The following CPNE4 variants were observed in gnomAD, a reference collection of about 807,000 sequenced individuals.
CPNE4 encodes the protein copine-4.
In CPNE4, 25 loss-of-function variants were observed where a neutral mutation model predicts 67.9. The ratio of observed to expected loss-of-function variants is 0.37; its 90% CI spans 0.27 to 0.51. The LOEUF is 0.51. CPNE4 is among the 20% of genes least tolerant of loss of function. The probability of loss-of-function intolerance (pLI) is 0.93; values close to 1 mark genes in which losing one functional copy is unlikely to be tolerated. For synonymous variants in CPNE4, 242 were observed against 244.9 expected (o/e 0.99, Z 0.11); for missense variants, 464 against 690.8 (o/e 0.67, Z 3.68).
intron 1 of CPNE4, among the ~76,000 whole-genome samples, chr3:132,027,926 A>G (rs1334508033): frequency 6.6e-6 from 1 of 152,206 alleles, no homozygotes; most frequent in African/African-American, 2.4e-5. Flanking sequence ...TATTTTTAAA[A>G]CAGAGTTCTT....
intron 1 of CPNE4, among the ~76,000 whole-genome samples, chr3:132,006,928 A>G (rs1477863913): frequency 6.6e-6 from 1 of 152,168 alleles, no homozygotes; most frequent in African/African-American, 2.4e-5. Flanking sequence ...TCTAAAAGAA[A>G]CAGCACATCA....
intron 2 of CPNE4, among the ~76,000 whole-genome samples, chr3:131,790,646 C>T (rs921148085): frequency 2.0e-5 from 3 of 152,130 alleles, no homozygotes; most frequent in Non-Finnish European, 4.4e-5. Flanking sequence ...ATCACCTCAT[C>T]TGAAACTCTT....
At chr3:131,715,433 A>G (rs1309765231) in intron 3 of CPNE4, among the ~76,000 whole-genome samples, 1 of 152,244 alleles carries the variant, frequency 6.6e-6, no homozygotes, top group East Asian at 1.9e-4. Flanking sequence ...TATACTAGTT[A>G]GTGACAAGCT....
At chr3:131,799,597 C>T in intron 2 of CPNE4, among the ~76,000 whole-genome samples, 1 of 152,136 alleles carries the variant, frequency 6.6e-6, no homozygotes, top group East Asian at 1.9e-4. Context: ...TTCACGACCT[C>T]CTCCCTTTCC....
intron 2 of CPNE4, among the ~76,000 whole-genome samples, chr3:131,740,014 A>C (rs1454824753): frequency 6.6e-6 from 1 of 152,210 alleles, no homozygotes. Context: ...GATACCTCTT[A>C]TCTTTTACCC....
chr3:132,029,808 G>A (rs1043643162), intron 1 of CPNE4, among the ~76,000 whole-genome samples: 1 of 152,180 alleles, frequency 6.6e-6, no homozygotes, highest in Admixed American at 6.5e-5. Context: ...AAGAAAGTTT[G>A]TTCTTTTTGA....
chr3:131,538,901 C>T (rs1440813269), intron 15 of CPNE4: 1 of 152,196 alleles, frequency 6.6e-6, no homozygotes, highest in Non-Finnish European at 1.5e-5. Flanking sequence ...TCTTGGACTT[C>T]CCAGACTCCA....
At chr3:131,620,345 G>T in intron 7 of CPNE4, 1 of 351,052 alleles carries the variant, frequency 2.8e-6, no homozygotes, top group Non-Finnish European at 4.0e-6. Flanking sequence ...GTGATGTTAA[G>T]TGTTTAAAGG....
intron 2 of CPNE4, among the ~76,000 whole-genome samples, chr3:131,843,554 C>T (rs918955899): frequency 2.0e-5 from 3 of 152,226 alleles, no homozygotes; most frequent in African/African-American, 7.2e-5. Flanking sequence ...TTGACAGTGT[C>T]CACGGTGAAA....
At chr3:131,580,806 C>A (rs748631404) in intron 9 of CPNE4, among the ~76,000 whole-genome samples, 1 of 152,100 alleles carries the variant, frequency 6.6e-6, no homozygotes, top group Non-Finnish European at 1.5e-5. Flanking sequence ...GGAAGGAATT[C>A]GTAAGCCCTT....
chr3:131,727,500 T>A (rs1388265344), intron 2 of CPNE4, among the ~76,000 whole-genome samples: 1 of 152,078 alleles, frequency 6.6e-6, no homozygotes, highest in Non-Finnish European at 1.5e-5. Context: ...CATTTTTCAG[T>A]CTAATAATAA....
At chr3:131,676,447 T>C (rs2080570143) in intron 6 of CPNE4, among the ~76,000 whole-genome samples, 1 of 152,160 alleles carries the variant, frequency 6.6e-6, no homozygotes, top group Non-Finnish European at 1.5e-5. Flanking sequence ...ATGCGTTGAA[T>C]GGGGGTTGGT....
In CPNE4 at chr3:132,008,585, A is replaced by G. The variant is rs141581347; in HGVS notation, c.-2+25982T>C. 9.1e-3 allele frequency among the ~76,000 whole-genome samples: 1,390 copies of G among 152,252 alleles called. 14 individuals carry two copies. The highest frequency in any genetic ancestry group is 0.014 in the Non-Finnish European group (927 of 68,002). ...GATGTTTCCATATGAAGAAAAGAGT[A>G]TATGTGCACATTTGTGCACATGGGC... On this transcript the variant is annotated intron_variant, in intron 1 of 15. Transcript: ENST00000429747.
intron 1 of CPNE4, among the ~76,000 whole-genome samples, chr3:131,942,463 TGAGAGAGAGAGAGAGAGAGAGA>T (rs59277847): frequency 0.041 from 2,923 of 70,900 alleles, 119 homozygotes; most frequent in African/African-American, 0.13. Context: ...TGTGTGTGTG[TGAGAGAGAGAGAGAGAGAGAGA>T]GAGAGAGAGA....
chr3:131,721,531 G>A (rs1436403906), intron 3 of CPNE4, among the ~76,000 whole-genome samples: 2 of 151,834 alleles, frequency 1.3e-5, no homozygotes, highest in Non-Finnish European at 2.9e-5. Flanking sequence ...GAGTAGCTGG[G>A]ACTATAGGCA....
intron 7 of CPNE4, among the ~76,000 whole-genome samples, chr3:131,664,178 A>G (rs2080202510): frequency 2.0e-5 from 3 of 152,120 alleles, no homozygotes; most frequent in Admixed American, 2.0e-4. Context: ...GTTTGTCAAG[A>G]TTGTTCTGGC....
chr3:131,617,697 T>C (rs533712177), intron 7 of CPNE4, among the ~76,000 whole-genome samples: 1 of 152,302 alleles, frequency 6.6e-6, no homozygotes, highest in East Asian at 1.9e-4. Flanking sequence ...CTGCACAACA[T>C]GTTGCTATTA....
chr3:131,582,753 C>A (rs1190616849), intron 8 of CPNE4, among the ~76,000 whole-genome samples: 1 of 152,042 alleles, frequency 6.6e-6, no homozygotes, highest in African/African-American at 2.4e-5. Flanking sequence ...TTTTCAGGGC[C>A]ATATTAAAAA....
At chr3:131,697,913 C>G (rs536331934) in intron 4 of CPNE4, among the ~76,000 whole-genome samples, 2 of 152,188 alleles carry the variant, frequency 1.3e-5, no homozygotes, top group South Asian at 4.2e-4. Context: ...TCTAAAGACT[C>G]AAAGTTGAGG....
Sources: allele counts gnomAD v4.1 joint callset (sites outside exome capture counted in the v4.1 genomes callset), GRCh38; gene constraint gnomAD v4.1.1; transcripts MANE v1.5; gene names NCBI Gene and HGNC (gene_info 2026-07-23, HGNC 2026-07-21).